BMAL1: variants seen among roughly 807,000 people sequenced by gnomAD.
The protein encoded by BMAL1 is basic helix-loop-helix ARNT-like protein 1.
At chr11:13,378,285 G>C in the BMAL1 span, 1 of 1,525,786 alleles carries the variant, frequency 6.6e-7, no homozygotes, top group South Asian at 1.3e-5. Flanking sequence ...ATACATAATA[G>C]TATTTCTTCC....
At chr11:13,298,943 G>T in the BMAL1 span, among the ~76,000 whole-genome samples, 1 of 152,164 alleles carries the variant, frequency 6.6e-6, no homozygotes, top group Admixed American at 6.5e-5. Flanking sequence ...AATTCCTGTG[G>T]GGCAAAGACT....
At chr11:13,313,802 A>T in the BMAL1 span, among the ~76,000 whole-genome samples, 1 of 152,100 alleles carries the variant, frequency 6.6e-6, no homozygotes, top group Non-Finnish European at 1.5e-5. Context: ...AGAGCTCCTC[A>T]TTGCTTAGAA....
chr11:13,308,376 G>C, the BMAL1 span, among the ~76,000 whole-genome samples: 2 of 152,188 alleles, frequency 1.3e-5, no homozygotes, highest in Non-Finnish European at 2.9e-5. Context: ...CAGGGGTCCA[G>C]GCTTGGAGAG....
the BMAL1 span, among the ~76,000 whole-genome samples, chr11:13,307,492 A>G: frequency 6.6e-6 from 1 of 152,212 alleles, no homozygotes; most frequent in African/African-American, 2.4e-5. Context: ...TTAGACAGGC[A>G]AGACTTGGTG....
chr11:13,290,373 C>G, the BMAL1 span, among the ~76,000 whole-genome samples: 1 of 152,130 alleles, frequency 6.6e-6, no homozygotes, highest in East Asian at 1.9e-4. Context: ...CAGAATCTAG[C>G]CAGCTGGCCA....
At chr11:13,320,303 T>G in the BMAL1 span, among the ~76,000 whole-genome samples, 7 of 152,206 alleles carry the variant, frequency 4.6e-5, no homozygotes, top group Non-Finnish European at 8.8e-5. Flanking sequence ...GTTTACCCTT[T>G]GTTGACTTCT....
chr11:13,385,835 A>G, the BMAL1 span: 1 of 1,421,874 alleles, frequency 7.0e-7, no homozygotes, highest in East Asian at 2.3e-5. Flanking sequence ...GAGCTTGCAA[A>G]ACATCTTACA....
chr11:13,381,280 G>A, the BMAL1 span: 7 of 1,608,812 alleles, frequency 4.4e-6, no homozygotes, highest in Non-Finnish European at 6.0e-6. Flanking sequence ...CTTAGCCTAA[G>A]CTAGAGAACC....
chr11:13,304,043 G>C, the BMAL1 span, among the ~76,000 whole-genome samples: 1 of 152,114 alleles, frequency 6.6e-6, no homozygotes, highest in Admixed American at 6.5e-5. Flanking sequence ...ATGGAGTTGT[G>C]GGGGCCAGGC....
chr11:13,332,437 A>C, the BMAL1 span, among the ~76,000 whole-genome samples: 1 of 152,230 alleles, frequency 6.6e-6, no homozygotes, highest in Non-Finnish European at 1.5e-5. Flanking sequence ...ATAAATTTGC[A>C]GTAACAAGTG....
At chr11:13,298,849 C>T in the BMAL1 span, among the ~76,000 whole-genome samples, 2 of 152,172 alleles carry the variant, frequency 1.3e-5, no homozygotes, top group Admixed American at 6.5e-5. Flanking sequence ...TCTGTGTTCC[C>T]CTTCATTTTG....
At chr11:13,337,340 C>T in the BMAL1 span, among the ~76,000 whole-genome samples, 2 of 151,798 alleles carry the variant, frequency 1.3e-5, no homozygotes, top group African/African-American at 4.8e-5. Context: ...ACGTTTGTAC[C>T]CTTTTTCACC....
the BMAL1 span, among the ~76,000 whole-genome samples, chr11:13,340,987 C>T: frequency 6.6e-6 from 1 of 152,214 alleles, no homozygotes; most frequent in African/African-American, 2.4e-5. Flanking sequence ...GGACATGCAG[C>T]TAGTAAGTGG....
chr11:13,317,078 C>T, the BMAL1 span, among the ~76,000 whole-genome samples: 1 of 152,268 alleles, frequency 6.6e-6, no homozygotes, highest in South Asian at 2.1e-4. Flanking sequence ...ATGTGCTTAG[C>T]ACCGTGACTG....
the BMAL1 span, among the ~76,000 whole-genome samples, chr11:13,381,856 T>C: frequency 1.3e-5 from 2 of 152,246 alleles, no homozygotes; most frequent in Non-Finnish European, 2.9e-5. Flanking sequence ...GGAGAACTTA[T>C]AAGCCTAGGC....
chr11:13,358,480 A>G, the BMAL1 span: 1 of 1,611,550 alleles, frequency 6.2e-7, no homozygotes, highest in Non-Finnish European at 8.5e-7. Flanking sequence ...TAAAATGAAC[A>G]GTTTTATAGA....
chr11:13,311,571 C>A, the BMAL1 span, among the ~76,000 whole-genome samples: 260 of 152,288 alleles, frequency 1.7e-3, no homozygotes, highest in Non-Finnish European at 3.0e-3. Context: ...AAATAGACCG[C>A]TCATAGAAGG....
the BMAL1 span, among the ~76,000 whole-genome samples, chr11:13,371,169 C>T: frequency 3.9e-5 from 6 of 152,186 alleles, no homozygotes; most frequent in East Asian, 1.9e-4. Context: ...ACAGACTCCA[C>T]GCTTGGCAGA....
chr11:13,291,382 C>T, the BMAL1 span, among the ~76,000 whole-genome samples: 2 of 151,796 alleles, frequency 1.3e-5, no homozygotes, highest in Middle Eastern at 3.2e-3. Context: ...TTAAGGGTGG[C>T]GAGGGGAGTG....
Sources: allele counts gnomAD v4.1 joint callset (sites outside exome capture counted in the v4.1 genomes callset), GRCh38; gene constraint gnomAD v4.1.1; transcripts MANE v1.5; gene names NCBI Gene and HGNC (gene_info 2026-07-23, HGNC 2026-07-21).